The following COL2A1 variants were observed in gnomAD, a reference collection of about 807,000 sequenced individuals.
The protein encoded by COL2A1 is collagen alpha-1(II) chain.
COL2A1 carries 28 observed loss-of-function variants against 204.5 expected under a neutral mutation model. The ratio of observed to expected loss-of-function variants is 0.14; its 90% CI spans 0.10 to 0.19. COL2A1 has a LOEUF of 0.19. Among genes scored for constraint, COL2A1 ranks in the 10% least tolerant of loss-of-function variants. The pLI is 1.00. For synonymous variants in COL2A1, 708 were observed against 718.7 expected (o/e 0.99, Z 0.24); for missense variants, 1,388 against 2,027.5 (o/e 0.68, Z 6.06).
Position 47,985,605 on chromosome 12 carries a change from A to G in COL2A1, c.1681-18T>C. ...GTGAGACCCTTTGTTCAGGAGAGAG[A>G]AGAGGGTGGGGTCAGGAGCCGGCCC... On this transcript the variant is annotated intron_variant, in intron 25 of 53. Transcript: ENST00000380518. 2 of 1,613,778 alleles carry G rather than the reference A, an allele frequency of 1.2e-6. No homozygotes were observed. The highest frequency in any genetic ancestry group is 1.7e-6 in the Non-Finnish European group (2 of 1,179,914).
chr12:47,981,547 C>A (rs1299166466), intron 36 of COL2A1, 151 bp from the exon 37 acceptor site: 5 of 887,486 alleles, frequency 5.6e-6, no homozygotes, highest in Non-Finnish European at 9.0e-6. Flanking sequence ...CATACCCGCA[C>A]CCTCTCGAGG....
rs1271100187 is a variant in COL2A1, at chr12:47,995,293, G to A, written c.724C>T (p.Arg242Cys). ...EPGVSGPMGP[R>C]GPPGPPGKPG... ...TTTCCAGGGGGACCAGGAGGACCAC[G>A]GGGACCCATGGGACCCTACAAACAA... The change falls in exon 11 of 54, where the codon CGT (arginine) becomes TGT (cysteine). Residue 242 changes from arginine to cysteine, a missense_variant. This residue lies in a region of COL2A1 where 884 missense variants were observed against 1,415.8 expected (regional missense o/e 0.62). Coordinates refer to ENST00000380518, the MANE Select transcript of COL2A1 (RefSeq NM_001844.5). The A allele has an allele frequency of 1.9e-6, 3 of 1,613,548 alleles. No homozygotes were observed. The highest frequency in any genetic ancestry group is 2.5e-6 in the Non-Finnish European group (3 of 1,179,450).
intron 40 of COL2A1, among the ~76,000 whole-genome samples, 198 bp downstream of exon 40, chr12:47,979,811 G>A (rs1309804253): frequency 6.6e-6 from 1 of 152,198 alleles, no homozygotes; most frequent in African/African-American, 2.4e-5. Context: ...ACAAGCCTCG[G>A]GCTGGGGAAT....
rs957359699 is a variant in COL2A1 at position 47,984,144 on chromosome 12, G to A, written c.1888-4C>T. On this transcript the variant is annotated splice_polypyrimidine_tract_variant and splice_region_variant and intron_variant, in intron 28 of 53. Coordinates refer to ENST00000380518, the MANE Select transcript of COL2A1 (RefSeq NM_001844.5). ...CACCATCTTTGCCAGGAAGACCCTA[G>A]ACAGAAGAGAAAAAGAAAAGTCAAT... 6.2e-7 allele frequency: 1 copy of A among 1,613,254 alleles called. No homozygotes were observed. Among genetic ancestry groups the A allele is most frequent in the Non-Finnish European group, 8.5e-7 (1 of 1,179,738 alleles).
At chr12:47,994,084 A>G in intron 12 of COL2A1, 37 bp from the exon 13 acceptor site, 1 of 1,613,180 alleles carries the variant, frequency 6.2e-7, no homozygotes, top group South Asian at 1.1e-5. Flanking sequence ...AGCACAGAGT[A>G]AAATAACAGT....
Position 47,987,205 on chromosome 12 carries a change from T to G in COL2A1, c.1267-29A>C. The G allele has an allele frequency of 1.2e-6, 2 of 1,612,970 alleles. No homozygotes were observed. Among genetic ancestry groups the G allele is most frequent in the Non-Finnish European group, 1.7e-6 (2 of 1,179,186 alleles). On this transcript the variant is annotated intron_variant, in intron 20 of 53. Coordinates refer to ENST00000380518, the MANE Select transcript of COL2A1 (RefSeq NM_001844.5). The surrounding 1 kb of genome is among the most constrained non-coding windows in gnomAD (Gnocchi z 4.1). ...TGGGCATGAGAAGAAGGGAGGGGTG[T>G]CAGGAGAGGGGAGAGGCAGGACTGG...
At position 47,994,428 on chromosome 12, in the gene COL2A1, G is replaced by A. The variant is rs755370440; in HGVS notation, c.812C>T (p.Pro271Leu). ...GCTGGGAACGGTGGCGTTTACCTGAGGACCAGGCGGACCCCTTTCACCAGC... is the reference window on the plus strand; with the variant it reads ...GCTGGGAACGGTGGCGTTTACCTGAAGACCAGGCGGACCCCTTTCACCAGC... ...GKAGERGPPG[P>L]QGARGFPGTP... The change falls in exon 12 of 54, where the codon CCT (proline) becomes CTT (leucine). Residue 271 changes from proline (P) to leucine (L), a missense_variant. By Grantham distance (98) the Pro-to-Leu change is moderately conservative. Around this residue, in one of 3 missense-constraint regions of COL2A1, gnomAD observed 884 missense variants for 1,415.8 expected, o/e 0.62. Transcript: ENST00000380518. 6.2e-7 allele frequency: 1 copy of A among 1,614,126 alleles called. No individual in the cohort carries two copies. Among genetic ancestry groups the A allele is most frequent in the Non-Finnish European group, 8.5e-7 (1 of 1,180,032 alleles).
chr12:47,989,817 A>G lies in COL2A1; in HGVS notation c.1024-12T>C. The G allele has an allele frequency of 6.2e-7, 1 of 1,612,884 alleles. No homozygotes were observed. The highest frequency in any genetic ancestry group is 8.5e-7 in the Non-Finnish European group (1 of 1,179,902). ...TTGCCTCGGGCACCCTGTGAGCAAG[A>G]AGGAAGTGACCATGAGAGGTGCCCA... On this transcript the variant is annotated splice_polypyrimidine_tract_variant and intron_variant, in intron 16 of 53. Transcript: ENST00000380518.
At chr12:47,981,231 T>G in intron 37 of COL2A1, 112 bp downstream of exon 37, 1 of 1,232,964 alleles carries the variant, frequency 8.1e-7, no homozygotes, top group Non-Finnish European at 1.2e-6. Flanking sequence ...AGGGAGCCAG[T>G]GCCTGGCAGC....
At chr12:47,975,930 C>T (rs372919701) in intron 50 of COL2A1, 33 bp downstream of exon 50, 154 of 1,531,438 alleles carry the variant, frequency 1.0e-4, no homozygotes, top group Non-Finnish European at 1.6e-5. Flanking sequence ...GGTAGGGACA[C>T]CTCGACAGCA....
chr12:48,004,336 C>T lies in COL2A1; in HGVS notation c.-15G>A. On this transcript the variant is annotated 5_prime_UTR_variant, in exon 1 of 54. Coordinates refer to ENST00000380518, the MANE Select transcript of COL2A1 (RefSeq NM_001844.5). ...AGGCGAATCATGGCTCACCGCGGGG[C>T]CTGGCTGAGCCGGGCCCGGGCGGAG... The T allele has an allele frequency of 2.0e-6, 3 of 1,515,108 alleles. No individual in the cohort carries two copies. The highest frequency in any genetic ancestry group is 2.7e-6 in the Non-Finnish European group (3 of 1,116,092). The allele number at this position is 1,515,108 out of a possible 1,614,324, so 93.9% of individuals were successfully genotyped here.
Position 47,984,071 on chromosome 12 carries a change from C to T in COL2A1, c.1941+16G>A. On this transcript the variant is annotated intron_variant, in intron 29 of 53. Coordinates refer to ENST00000380518, the MANE Select transcript of COL2A1 (RefSeq NM_001844.5). The stretch of plus-strand genomic sequence containing the variant: ...CTGCCCCCAGGGCCACCTGGGGAGG[C>T]TGGGCAGGTACTTACAGCAGGGCCA... The T allele has an allele frequency of 6.2e-7, 1 of 1,609,852 alleles. No homozygotes were observed. The highest frequency in any genetic ancestry group is 8.5e-7 in the Non-Finnish European group (1 of 1,178,312).
chr12:47,979,559 G>A lies in COL2A1; in HGVS notation c.2685C>T (p.Ala895=), dbSNP rs763097048. Residue 895 remains alanine (A), a synonymous_variant, in exon 41 of 54, where the codon GCC becomes GCT. Transcript: ENST00000380518. Reference sequence around the variant, plus strand: ...GGCCAGCAGCTCCAGGGAATCCAGTGGCTCCCTGTGTGGGGAGAGGAGAGC... The same window carrying A: ...GGCCAGCAGCTCCAGGGAATCCAGTAGCTCCCTGTGTGGGGAGAGGAGAGC... ...GARGAQGPPG[A]TGFPGAAGRV... is the part of the protein sequence containing the mutation. The A allele has an allele frequency of 6.2e-7, 1 of 1,613,078 alleles. No homozygotes were observed. Among genetic ancestry groups the A allele is most frequent in the East Asian group, 2.2e-5 (1 of 44,846 alleles).
rs370163304 is a variant in COL2A1 at position 47,973,309 on chromosome 12, G to A, written c.*98C>T. The A allele has an allele frequency of 2.0e-6, 3 of 1,516,348 alleles. No individual in the cohort carries two copies. The Admixed American group carries it at 5.0e-5, about 25-fold the overall frequency. The allele number at this position is 1,516,348 out of a possible 1,614,324, so 93.9% of individuals were successfully genotyped here. On this transcript the variant is annotated 3_prime_UTR_variant, in exon 54 of 54. Transcript: ENST00000380518. ...GTGGGATGAATGGACATCAGGTCAGGTCAGCCATTCAGTGCAGAGTCCTAG... is the reference window on the plus strand; with the variant it reads ...GTGGGATGAATGGACATCAGGTCAGATCAGCCATTCAGTGCAGAGTCCTAG...
chr12:47,975,875 C>G, intron 50 of COL2A1, 88 bp downstream of exon 50: 2 of 1,006,712 alleles, frequency 2.0e-6, no homozygotes, highest in Non-Finnish European at 3.2e-6. Context: ...CAGGCTGATG[C>G]CCTAAAAGAG....
At position 47,978,175 on chromosome 12, in the gene COL2A1, C is replaced by A; in HGVS notation, c.3004-58G>T. 8 of 1,582,674 alleles carry A rather than the reference C, an allele frequency of 5.1e-6. No individual in the cohort carries two copies. Among genetic ancestry groups the A allele is most frequent in the Non-Finnish European group, 6.0e-6 (7 of 1,157,944 alleles). On this transcript the variant is annotated intron_variant, in intron 43 of 53. Transcript: ENST00000380518. The surrounding 1 kb of genome is among the most constrained non-coding windows in gnomAD (Gnocchi z 5.5). ...AGTGGTAAGCACCCCTGCCCAGGGC[C>A]CACTGACCCTTCAGGGAGAGGGCAG...
At chr12:47,993,930 C>T (rs894907089) in intron 13 of COL2A1, 64 bp downstream of exon 13, 73 of 1,611,380 alleles carry the variant, frequency 4.5e-5, no homozygotes, top group Non-Finnish European at 5.7e-5. Flanking sequence ...TGCACGCACC[C>T]CAAAGTGCTT....
chr12:47,989,829 A>G, intron 16 of COL2A1, 24 bp from the exon 17 acceptor site: 2 of 1,612,034 alleles, frequency 1.2e-6, no homozygotes, highest in Non-Finnish European at 1.7e-6. Context: ...GGAAGTGACC[A>G]TGAGAGGTGC....
chr12:47,997,761 A>T, intron 6 of COL2A1, 54 bp from the exon 7 acceptor site: 2 of 1,613,538 alleles, frequency 1.2e-6, no homozygotes, highest in Non-Finnish European at 1.7e-6. Context: ...TCCAAGAGCC[A>T]TCTGTCCCTT....
Sources: allele counts gnomAD v4.1 joint callset (sites outside exome capture counted in the v4.1 genomes callset), GRCh38; gene constraint gnomAD v4.1.1; regional missense constraint gnomAD v4.1.1; non-coding constraint Gnocchi (gnomAD v3.1); transcripts MANE v1.5; gene names NCBI Gene and HGNC (gene_info 2026-07-23, HGNC 2026-07-21).